MTA3: variants seen among roughly 807,000 people sequenced by gnomAD.
MTA3 encodes metastasis-associated protein MTA3.
A neutral mutation model predicts 83.5 loss-of-function variants in MTA3; 34 were observed. The observed-to-expected ratio is 0.41, with a 90% confidence interval of 0.31 to 0.54. The LOEUF (loss-of-function observed/expected upper bound fraction) is 0.54. Ranked by LOEUF, MTA3 falls within the 20% of genes least tolerant of loss-of-function variation. MTA3 has a pLI of 0.33. For synonymous variants in MTA3, 303 were observed against 252.7 expected, an observed-to-expected ratio of 1.20 and a Z score of -1.89; for missense variants, 761 against 726.4, an observed-to-expected ratio of 1.05 and a Z score of -0.55.
intron 16 of MTA3, among the ~76,000 whole-genome samples, chr2:42,740,003 A>G (rs890282490): frequency 1.3e-5 from 2 of 152,198 alleles, no homozygotes; most frequent in African/African-American, 2.4e-5. Flanking sequence ...TTTCAAAGTT[A>G]TCCATGAGGG....
chr2:42,683,094 C>A lies in MTA3; in HGVS notation c.891+505C>A, dbSNP rs189290110. 1.9e-3 allele frequency among the ~76,000 whole-genome samples: 287 copies of A among 152,152 alleles called. 2 individuals are homozygous for A. Among genetic ancestry groups the A allele is most frequent in the African/African-American group, 6.5e-3 (271 of 41,522 alleles). The stretch of plus-strand genomic sequence containing the variant: ...TCAAAAACAAAACAAAACAAAAAAA[C>A]CCCTACACTATCAGGAAGTCCTGTG... On this transcript the variant is annotated intron_variant, in intron 9 of 16. Transcript: ENST00000405094.
At chr2:42,702,197 G>A (rs1238461648) in intron 11 of MTA3, 2 of 152,356 alleles carry the variant, frequency 1.3e-5, no homozygotes, top group African/African-American at 4.8e-5. Context: ...GGTCACAAGA[G>A]CGAGACTTTG....
chr2:42,734,250 T>G (rs1406730875), intron 16 of MTA3, among the ~76,000 whole-genome samples: 1 of 152,220 alleles, frequency 6.6e-6, no homozygotes, highest in Non-Finnish European at 1.5e-5. Context: ...TTACTGCCTC[T>G]TACTGAATTG....
chr2:42,689,016 A>AT lies in MTA3; in HGVS notation c.891+6433dup, dbSNP rs562791986. Among the ~76,000 whole-genome samples the AT allele has an allele frequency of 2.3e-3, 345 of 151,996 alleles. 4 individuals are homozygous for AT. Among genetic ancestry groups the AT allele is most frequent in the Non-Finnish European group, 1.2e-3 (81 of 67,944 alleles). ...GACGAGCAAGTTCCTCTCTATTCTTATTTTTTGAGAGTTTTTAAAAAAATC... is the reference window on the plus strand; with the variant it reads ...GACGAGCAAGTTCCTCTCTATTCTTATTTTTTTGAGAGTTTTTAAAAAAATC... On this transcript the variant is annotated intron_variant, in intron 9 of 16. Coordinates refer to ENST00000405094, the MANE Select transcript of MTA3 (RefSeq NM_001330442.2).
chr2:42,571,141 C>T (rs957421042), intron 2 of MTA3, among the ~76,000 whole-genome samples: 8 of 151,702 alleles, frequency 5.3e-5, no homozygotes, highest in Non-Finnish European at 1.2e-4. Context: ...CCCTGTAATC[C>T]CAGCAATTTG....
At chr2:42,649,411 T>C (rs1335942013) in intron 6 of MTA3, among the ~76,000 whole-genome samples, 2 of 147,290 alleles carry the variant, frequency 1.4e-5, no homozygotes, top group African/African-American at 2.5e-5. Flanking sequence ...TGACTCCCTC[T>C]CCAAAAAAAA....
At chr2:42,691,887 C>T (rs562935314) in intron 9 of MTA3, among the ~76,000 whole-genome samples, 177 of 152,280 alleles carry the variant, frequency 1.2e-3, no homozygotes, top group African/African-American at 3.9e-3. Context: ...TGCTGCCAAA[C>T]GTATTGGAAC....
chr2:42,682,783 C>T (rs771222727), intron 9 of MTA3, 194 bp downstream of exon 9: 126 of 569,276 alleles, frequency 2.2e-4, no homozygotes, highest in Non-Finnish European at 3.2e-4. Context: ...GTAAGACCCA[C>T]GCTATCAGGC....
chr2:42,721,331 T>G (rs1275673842), intron 15 of MTA3, among the ~76,000 whole-genome samples: 1 of 131,796 alleles, frequency 7.6e-6, no homozygotes, highest in Admixed American at 7.4e-5. Flanking sequence ...TTTCTTTTTC[T>G]TTTTTTTTTT....
At chr2:42,655,839 G>T (rs1290723441) in intron 6 of MTA3, among the ~76,000 whole-genome samples, 1 of 152,242 alleles carries the variant, frequency 6.6e-6, no homozygotes, top group East Asian at 1.9e-4. Flanking sequence ...CTGGCCTCAA[G>T]TGATCTGTCT....
chr2:42,565,484 C>T (rs971584746), upstream of MTA3, among the ~76,000 whole-genome samples: 1 of 151,874 alleles, frequency 6.6e-6, no homozygotes, highest in Non-Finnish European at 1.5e-5. Flanking sequence ...AGCTTTCTTG[C>T]TGCATCCACT....
intron 16 of MTA3, among the ~76,000 whole-genome samples, chr2:42,747,751 A>G (rs1054944577): frequency 6.6e-6 from 1 of 151,966 alleles, no homozygotes; most frequent in Admixed American, 6.5e-5. Flanking sequence ...TCACACCTAT[A>G]AAGACATTTT....
Position 42,500,928 on chromosome 2 carries a change from A to G in MTA3, c.-141+5674A>G, listed in dbSNP as rs1013554602. Among the ~76,000 whole-genome samples the G allele has an allele frequency of 2.0e-5, 3 of 149,730 alleles. No individual in the cohort carries two copies. The East Asian group carries it at 5.9e-4, about 29-fold the overall frequency. Reference sequence around the variant, plus strand: ...CGGGTTCACGCCATTCTCCTGCCTCAGCCTCCCGAGTAGCTGGGACTGCAG... The same window carrying G: ...CGGGTTCACGCCATTCTCCTGCCTCGGCCTCCCGAGTAGCTGGGACTGCAG... On this transcript the variant is annotated intron_variant, in intron 2 of 17. Coordinates refer to the MTA3 transcript ENST00000405592.
At chr2:42,540,291 A>T (rs1396749588) in intron 2 of MTA3, among the ~76,000 whole-genome samples, 1 of 147,178 alleles carries the variant, frequency 6.8e-6, no homozygotes, top group Non-Finnish European at 1.5e-5. Flanking sequence ...CTCCTGCCTT[A>T]GCCTCCTGAG....
In MTA3 at chr2:42,736,259, C is replaced by G. The variant is rs1029214932; in HGVS notation, c.1759+13224C>G. On this transcript the variant is annotated intron_variant, in intron 16 of 16. Transcript: ENST00000405094. ...ATTACTAGGTGGAGACTCTTGTTCT[C>G]TTCTTTTACTTTCACTCAAACAAAT... 2.0e-5 allele frequency among the ~76,000 whole-genome samples: 3 copies of G among 152,154 alleles called. No homozygotes were observed. The South Asian group carries it at 6.2e-4, about 32-fold the overall frequency.
intron 16 of MTA3, among the ~76,000 whole-genome samples, chr2:42,748,088 G>C (rs183252034): frequency 1.0e-3 from 158 of 152,216 alleles, no homozygotes; most frequent in African/African-American, 3.8e-3. Flanking sequence ...GAGTGCAGTG[G>C]CGCGATCTCA....
At chr2:42,576,399 G>A (rs531018282) in intron 2 of MTA3, among the ~76,000 whole-genome samples, 1 of 152,288 alleles carries the variant, frequency 6.6e-6, no homozygotes, top group African/African-American at 2.4e-5. Flanking sequence ...TAAAGGCCCT[G>A]GGAAGATCAG....
chr2:42,617,568 T>G (rs1685051164), intron 4 of MTA3, among the ~76,000 whole-genome samples: 1 of 152,004 alleles, frequency 6.6e-6, no homozygotes, highest in African/African-American at 2.4e-5. Flanking sequence ...TCCCAGCACT[T>G]TGGGAGGTCA....
At chr2:42,719,339 T>G (rs1229886116) in intron 15 of MTA3, among the ~76,000 whole-genome samples, 1 of 152,128 alleles carries the variant, frequency 6.6e-6, no homozygotes, top group Admixed American at 6.6e-5. Flanking sequence ...TTCATGGAAA[T>G]AAATACAGAT....
Sources: allele counts gnomAD v4.1 joint callset (sites outside exome capture counted in the v4.1 genomes callset), GRCh38; gene constraint gnomAD v4.1.1; transcripts MANE v1.5; gene names NCBI Gene and HGNC (gene_info 2026-07-23, HGNC 2026-07-21).